Variants in PIAS2 observed in about 807,000 individuals in gnomAD.
PIAS2 encodes E3 SUMO-protein ligase PIAS2.
In PIAS2, 19 loss-of-function variants were observed where a neutral mutation model predicts 69.7. That is an observed-to-expected ratio of 0.27 (90% CI 0.19 to 0.40). The LOEUF is 0.40. Among genes scored for constraint, PIAS2 ranks in the 10% least tolerant of loss-of-function variants. The pLI is 1.00. For missense variants in PIAS2, 624 were observed against 757.0 expected (o/e 0.82, Z 2.06); for synonymous variants, 261 against 263.2 (o/e 0.99, Z 0.08).
chr18:46,889,854 C>A (rs2053791220), intron 2 of PIAS2, among the ~76,000 whole-genome samples: 1 of 152,096 alleles, frequency 6.6e-6, no homozygotes, highest in Admixed American at 6.5e-5. Context: ...AATGTGGTAT[C>A]CTATAACACA....
intron 2 of PIAS2, among the ~76,000 whole-genome samples, chr18:46,880,993 T>C (rs1199952404): frequency 6.6e-6 from 1 of 152,218 alleles, no homozygotes; most frequent in Non-Finnish European, 1.5e-5. Flanking sequence ...AACTGAGTTA[T>C]TTGTAGGTGA....
At chr18:46,835,505 T>C (rs976336300) in intron 9 of PIAS2, among the ~76,000 whole-genome samples, 1 of 152,168 alleles carries the variant, frequency 6.6e-6, no homozygotes, top group Non-Finnish European at 1.5e-5. Context: ...TTGCCCAAGC[T>C]CACCTTGAAT....
chr18:46,872,680 A>C lies in PIAS2; in HGVS notation c.500-8432T>G, dbSNP rs189733908. Among the ~76,000 whole-genome samples the C allele has an allele frequency of 9.2e-5, 14 of 152,362 alleles. 1 individual carries two copies. In the East Asian group the frequency reaches 2.5e-3, roughly 27 times the overall value. On this transcript the variant is annotated intron_variant, in intron 2 of 13. Transcript: ENST00000585916. ...GACACTTAATAAGTAAAGGCAAGCC[A>C]AGGATAAGGCCCGAACGGGTCAAAG...
rs550796484 is a variant in PIAS2, at chr18:46,810,975, A to T, written c.*1458T>A. On this transcript the variant is annotated 3_prime_UTR_variant, in exon 14 of 14. Transcript: ENST00000585916. ...CCAAATCCTTGTGAACTCAAAAATG[A>T]TTTAGGAAGTCAAATGAAGCAAACT... 8 of 152,338 alleles carry T rather than the reference A, an allele frequency of 5.3e-5. No homozygotes were observed. In the East Asian group the frequency reaches 1.5e-3, roughly 29 times the overall value. The allele number at this position is 152,338 out of a possible 1,614,324, so 9.4% of individuals were successfully genotyped here. A position where few individuals can be genotyped will look rare whatever the true frequency, so the allele number is the denominator to read the frequency against.
At chr18:46,856,287 ACTGCACCTGGC>A (rs889068347) in intron 3 of PIAS2, among the ~76,000 whole-genome samples, 4 of 151,788 alleles carry the variant, frequency 2.6e-5, no homozygotes, top group Non-Finnish European at 5.9e-5. Flanking sequence ...GGCATGAGAC[ACTGCACCTGGC>A]CAAAGACTTT....
chr18:46,917,418 A>ACCACGG lies in PIAS2; in HGVS notation c.-79_-74dup. On this transcript the variant is annotated 5_prime_UTR_variant, in exon 1 of 14. Coordinates refer to ENST00000585916, the MANE Select transcript of PIAS2 (RefSeq NM_004671.5). ...CGCTGCCGCCAACGACGCTGCCGCC[A>ACCACGG]CCACGGCCGCCGCCGCCTCCAGCAC... 7.3e-7 allele frequency: 1 copy of ACCACGG among 1,371,592 alleles called. No individual in the cohort carries two copies. Among genetic ancestry groups the ACCACGG allele is most frequent in the Non-Finnish European group, 9.4e-7 (1 of 1,060,956 alleles). 85.0% of individuals were successfully genotyped at this position (1,371,592 alleles called of 1,614,324 possible).
chr18:46,917,716 C>G, upstream of PIAS2: 1 of 297,228 alleles, frequency 3.4e-6, no homozygotes, highest in South Asian at 1.3e-4. Flanking sequence ...CTGCGGACTG[C>G]CTAGAGCTGG....
rs1263575225 is a variant in PIAS2, at chr18:46,810,403, TTCTA to T, written c.*2026_*2029del. The stretch of plus-strand genomic sequence containing the variant: ...TACCACACAAACCAAGTTAAGTTTT[TTCTA>T]TCTGATTACAGAGTCAATAAATATT... On this transcript the variant is annotated 3_prime_UTR_variant, in exon 14 of 14. Coordinates refer to ENST00000585916, the MANE Select transcript of PIAS2 (RefSeq NM_004671.5). The T allele has an allele frequency of 1.3e-5, 2 of 152,186 alleles. No homozygotes were observed. Among genetic ancestry groups the T allele is most frequent in the African/African-American group, 2.4e-5 (1 of 41,460 alleles). The allele number at this position is 152,186 out of a possible 1,614,324, so 9.4% of individuals were successfully genotyped here.
intron 3 of PIAS2, among the ~76,000 whole-genome samples, chr18:46,862,029 C>CT (rs1185309467): frequency 1.3e-5 from 2 of 152,014 alleles, no homozygotes; most frequent in African/African-American, 4.8e-5. Context: ...ATAAAAATTA[C>CT]TACAAAATAT....
intron 6 of PIAS2, among the ~76,000 whole-genome samples, chr18:46,846,129 T>C (rs551622267): frequency 2.6e-4 from 40 of 152,324 alleles, no homozygotes; most frequent in African/African-American, 9.1e-4. Flanking sequence ...AAATTCCTTG[T>C]TGTATTAACT....
At chr18:46,888,251 AT>A (rs937333529) in intron 2 of PIAS2, among the ~76,000 whole-genome samples, 65 of 150,726 alleles carry the variant, frequency 4.3e-4, no homozygotes, top group Non-Finnish European at 7.0e-4. Context: ...GGAAGACTTA[AT>A]TTTTTTTTTC....
rs2078970227 is a variant in PIAS2, at chr18:46,891,028, A to G, written c.51T>C (p.Ser17=). The change falls in exon 2 of 14, where the codon TCT becomes TCC. Residue 17 remains serine, a synonymous_variant. Coordinates refer to ENST00000585916, the MANE Select transcript of PIAS2 (RefSeq NM_004671.5). The part of the protein sequence containing the change: ...LRNMVSSFRV[S]ELQVLLGFAG... ...CAAAGCCTAGTAATACTTGTAGTTC[A>G]GAAACCCTAAAACTAGAAACCATAT... The G allele has an allele frequency of 6.2e-7, 1 of 1,600,586 alleles. No individual in the cohort carries two copies. Among genetic ancestry groups the G allele is most frequent in the Admixed American group, 1.7e-5 (1 of 57,392 alleles).
At chr18:46,891,081 G>C (rs1477233576) in intron 1 of PIAS2, 27 bp from the exon 2 acceptor site, 1 of 1,463,532 alleles carries the variant, frequency 6.8e-7, no homozygotes, top group African/African-American at 1.4e-5. Flanking sequence ...AAAAACATAA[G>C]CCAAGTCACC....
At chr18:46,843,747 A>T (rs1291054208) in intron 8 of PIAS2, 1 of 189,202 alleles carries the variant, frequency 5.3e-6, no homozygotes, top group Non-Finnish European at 1.1e-5. Flanking sequence ...GCTATTTTTC[A>T]GTATCATTTA....
chr18:46,841,695 AC>A (rs2045413354), intron 8 of PIAS2, among the ~76,000 whole-genome samples: 1 of 152,136 alleles, frequency 6.6e-6, no homozygotes, highest in Non-Finnish European at 1.5e-5. Flanking sequence ...AGATTGATGA[AC>A]CCCCAGGAAA....
At position 46,812,488 on chromosome 18, in the gene PIAS2, G is replaced by GT; in HGVS notation, c.1810dup (p.Thr604AsnfsTer10). ...ACTTCCACTGCTGGTTATGACCCCT[G>GT]TCTCACTCCTGCTGCTGGATGAACT... is the stretch of plus-strand genomic sequence containing the variant. On this transcript the variant is annotated frameshift_variant, in exon 14 of 14. Transcript: ENST00000585916. LOFTEE classifies it high-confidence loss of function. The GT allele has an allele frequency of 6.2e-7, 1 of 1,612,974 alleles. No individual in the cohort carries two copies. The highest frequency in any genetic ancestry group is 1.3e-5 in the African/African-American group (1 of 75,016).
intron 11 of PIAS2, among the ~76,000 whole-genome samples, chr18:46,825,477 G>C (rs375004816): frequency 6.6e-6 from 1 of 152,064 alleles, no homozygotes. Context: ...CTACAAGGTG[G>C]GTATCAAATA....
intron 1 of PIAS2, among the ~76,000 whole-genome samples, chr18:46,896,165 C>CAAAAA (rs1199712335): frequency 2.2e-3 from 71 of 31,740 alleles, no homozygotes; most frequent in East Asian, 2.7e-3. Flanking sequence ...AAGAAAAAAG[C>CAAAAA]AAAAAAAAAA....
intron 3 of PIAS2, among the ~76,000 whole-genome samples, chr18:46,862,585 TATAA>T (rs755492333): frequency 9.9e-5 from 15 of 152,154 alleles, no homozygotes; most frequent in Non-Finnish European, 1.5e-4. Flanking sequence ...TAAAGAGTCA[TATAA>T]ATAATGTTTT....
Sources: allele counts gnomAD v4.1 joint callset (sites outside exome capture counted in the v4.1 genomes callset), GRCh38; gene constraint gnomAD v4.1.1; transcripts MANE v1.5; gene names NCBI Gene and HGNC (gene_info 2026-07-23, HGNC 2026-07-21).